The following MYRFL variants were observed in gnomAD, a reference collection of about 807,000 sequenced individuals.
MYRFL encodes the protein myelin regulatory factor like, also known as myelin regulatory factor-like protein.
Under a neutral mutation model 109.4 loss-of-function variants are expected in MYRFL, and 88 were observed. The ratio of observed to expected loss-of-function variants is 0.80; its 90% CI spans 0.68 to 0.96. The LOEUF (loss-of-function observed/expected upper bound fraction) is 0.96. Among genes scored for constraint, MYRFL ranks in the 40% least tolerant of loss-of-function variants. The probability of loss-of-function intolerance (pLI) is 0.00; values close to 1 mark genes in which losing one functional copy is unlikely to be tolerated. For missense variants in MYRFL, 957 were observed against 954.9 expected (o/e 1.00, Z -0.03); for synonymous variants, 324 against 320.9 (o/e 1.01, Z -0.10).
intron 20 of MYRFL, 118 bp from the exon 21 acceptor site, chr12:69,952,681 C>A: frequency 1.4e-6 from 1 of 703,218 alleles, no homozygotes; most frequent in Non-Finnish European, 2.2e-6. Flanking sequence ...CAAATGGAAT[C>A]TCTTGACCTG....
At chr12:69,956,335 C>T (rs1956095368) in intron 22 of MYRFL, among the ~76,000 whole-genome samples, 1 of 152,184 alleles carries the variant, frequency 6.6e-6, no homozygotes, top group South Asian at 2.1e-4. Context: ...TTTCCTGACA[C>T]ACAGTAAGCA....
intron 6 of MYRFL, among the ~76,000 whole-genome samples, chr12:69,889,264 C>A (rs923101582): frequency 6.6e-6 from 1 of 151,744 alleles, no homozygotes; most frequent in Admixed American, 6.6e-5. Flanking sequence ...GAAATCCTGC[C>A]GCATATTTTC....
chr12:69,901,233 C>T (rs1194904338), intron 10 of MYRFL, among the ~76,000 whole-genome samples: 4 of 152,098 alleles, frequency 2.6e-5, no homozygotes, highest in Admixed American at 2.0e-4. Context: ...GTTTGATATC[C>T]ATCAGCCACT....
intron 1 of MYRFL, among the ~76,000 whole-genome samples, chr12:69,854,976 A>G (rs930700307): frequency 7.2e-5 from 11 of 152,242 alleles, no homozygotes; most frequent in Non-Finnish European, 1.6e-4. Flanking sequence ...CATTTTGTAA[A>G]CAAGGAAAAG....
Position 69,932,600 on chromosome 12 carries a change from T to C in MYRFL, c.1916+2T>C. The C allele has an allele frequency of 6.5e-7, 1 of 1,534,184 alleles. No individual in the cohort carries two copies. The highest frequency in any genetic ancestry group is 8.7e-7 in the Non-Finnish European group (1 of 1,145,120). ...TCTGATTGCTGTGATGGCATTTTGG[T>C]AAGAAAAAGTTCACTGTTATGCCAT... On this transcript the variant is annotated splice_donor_variant, in intron 16 of 24. Coordinates refer to ENST00000552032, the MANE Select transcript of MYRFL (RefSeq NM_182530.3). LOFTEE classifies it high-confidence loss of function.
chr12:69,909,833 T>C, intron 11 of MYRFL, 136 bp from the exon 12 acceptor site: 1 of 676,044 alleles, frequency 1.5e-6, no homozygotes, highest in South Asian at 2.1e-5. Context: ...TAATCCTGGC[T>C]TGGAATCCAC....
intron 11 of MYRFL, among the ~76,000 whole-genome samples, chr12:69,908,910 C>T (rs1171149471): frequency 6.6e-6 from 1 of 152,028 alleles, no homozygotes; most frequent in African/African-American, 2.4e-5. Context: ...CCTCCTCCCA[C>T]CCTCCACCCT....
At chr12:69,905,463 G>A (rs938483836) in intron 11 of MYRFL, among the ~76,000 whole-genome samples, 1 of 152,136 alleles carries the variant, frequency 6.6e-6, no homozygotes, top group Non-Finnish European at 1.5e-5. Context: ...TCCTGCTCAT[G>A]GCAGCATGAT....
chr12:69,948,655 A>G (rs1955897170), intron 19 of MYRFL, among the ~76,000 whole-genome samples: 1 of 152,230 alleles, frequency 6.6e-6, no homozygotes, highest in African/African-American at 2.4e-5. Context: ...TGGAATAGCT[A>G]GAATCCAAGA....
At chr12:69,944,407 C>T (rs1468010806) in intron 19 of MYRFL, among the ~76,000 whole-genome samples, 1 of 142,044 alleles carries the variant, frequency 7.0e-6, no homozygotes, top group Non-Finnish European at 1.5e-5. Context: ...AATTGGAAAT[C>T]ATCATTCTCA....
At chr12:69,895,971 A>G (rs896162361) in intron 9 of MYRFL, among the ~76,000 whole-genome samples, 3 of 152,222 alleles carry the variant, frequency 2.0e-5, no homozygotes, top group Admixed American at 6.5e-5. Flanking sequence ...GCCTTACTGA[A>G]GAATCAAAAA....
At position 69,952,875 on chromosome 12, in the gene MYRFL, C is replaced by T. The variant is rs1565652996; in HGVS notation, c.2364C>T (p.Ser788=). The T allele has an allele frequency of 2.6e-6, 4 of 1,534,750 alleles. No homozygotes were observed. Among genetic ancestry groups the T allele is most frequent in the Non-Finnish European group, 3.5e-6 (4 of 1,145,984 alleles). ...QIIDHQYCIQ[S]LQCGSGNYNY... is the part of the protein sequence containing the mutation. ...TAGATCATCAGTATTGCATTCAAAG[C>T]CTCCAGTGCGGGTAGGTAAGCCTCC... is the stretch of plus-strand genomic sequence containing the variant. The change falls in exon 21 of 25, where the codon AGC becomes AGT. Residue 788 remains serine (S), a synonymous_variant. Transcript: ENST00000552032.
At chr12:69,926,014 G>A (rs766492109) in intron 13 of MYRFL, among the ~76,000 whole-genome samples, 7 of 151,572 alleles carry the variant, frequency 4.6e-5, no homozygotes, top group Admixed American at 1.3e-4. Flanking sequence ...AATTTGATGC[G>A]TATTTTATTA....
intron 13 of MYRFL, 144 bp from the exon 14 acceptor site, chr12:69,926,427 A>G: frequency 1.6e-6 from 1 of 626,308 alleles, no homozygotes; most frequent in East Asian, 3.4e-5. Flanking sequence ...ACCTCTCCAG[A>G]TTTATCTTGA....
intron 1 of MYRFL, among the ~76,000 whole-genome samples, chr12:69,847,692 C>T (rs34928790): frequency 0.016 from 2,382 of 152,076 alleles, 26 homozygotes; most frequent in African/African-American, 0.023. Context: ...AAGAAAAAAG[C>T]TTTAGTACTA....
intron 1 of MYRFL, among the ~76,000 whole-genome samples, chr12:69,827,792 TA>T (rs571843028): frequency 6.6e-6 from 1 of 152,044 alleles, no homozygotes; most frequent in South Asian, 2.1e-4. Flanking sequence ...GTGGAATATA[TA>T]AACACAATTA....
At chr12:69,927,413 TA>T (rs1955131282) in intron 14 of MYRFL, among the ~76,000 whole-genome samples, 2 of 125,534 alleles carry the variant, frequency 1.6e-5, no homozygotes, top group African/African-American at 2.9e-5. Context: ...AACTTTCTGT[TA>T]TTTTTTTTTT....
rs1349400771 is a variant in MYRFL at position 69,847,288 on chromosome 12, A to G, written c.47-7992A>G. Among the ~76,000 whole-genome samples, 4 of 152,292 alleles carry G rather than the reference A, an allele frequency of 2.6e-5. No individual in the cohort carries two copies. The East Asian group carries it at 7.7e-4, about 29-fold the overall frequency. On this transcript the variant is annotated intron_variant, in intron 1 of 24. Coordinates refer to ENST00000552032, the MANE Select transcript of MYRFL (RefSeq NM_182530.3). ...GGATGGGGTGAAGGAGGGCATATAG[A>G]ACAGAGAGCATATGCCCCAATTATG...
intron 19 of MYRFL, among the ~76,000 whole-genome samples, chr12:69,937,318 A>G (rs923863917): frequency 2.0e-4 from 31 of 152,174 alleles, no homozygotes; most frequent in Admixed American, 5.9e-4. Context: ...ATAAATAGTA[A>G]TATTAATGAT....
Sources: allele counts gnomAD v4.1 joint callset (sites outside exome capture counted in the v4.1 genomes callset), GRCh38; gene constraint gnomAD v4.1.1; transcripts MANE v1.5; gene names NCBI Gene and HGNC (gene_info 2026-07-23, HGNC 2026-07-21).